The following RUFY4 variants were observed in gnomAD, a reference collection of about 807,000 sequenced individuals.
RUFY4 encodes the protein RUN and FYVE domain containing 4, also known as RUN and FYVE domain-containing protein 4.
In RUFY4, 73 loss-of-function variants were observed where a neutral mutation model predicts 69.0. The ratio of observed to expected loss-of-function variants is 1.06; its 90% CI spans 0.88 to 1.29. The LOEUF (loss-of-function observed/expected upper bound fraction) is 1.29. Among genes scored for constraint, RUFY4 ranks in the 50% most tolerant of loss-of-function variants. The pLI, the probability that RUFY4 is intolerant of heterozygous loss-of-function variation, is 0.00. For synonymous variants in RUFY4, 287 were observed against 271.8 expected (o/e 1.06, Z -0.55); for missense variants, 770 against 705.6 (o/e 1.09, Z -1.03).
At chr2:218,066,395 G>A (rs769529329), upstream of RUFY4, among the ~76,000 whole-genome samples, 2 of 151,650 alleles carry the variant, frequency 1.3e-5, no homozygotes, top group Non-Finnish European at 2.9e-5. Context: ...TGTTGGTCTC[G>A]AATTCCTGAC....
intron 2 of RUFY4, among the ~76,000 whole-genome samples, chr2:218,044,920 A>G (rs1688792409): frequency 6.6e-6 from 1 of 152,202 alleles, no homozygotes; most frequent in Non-Finnish European, 1.5e-5. Context: ...CTGTGTCTTT[A>G]TAATGGAAGG....
At chr2:218,063,063 T>A (rs1689238431) in intron 3 of RUFY4, among the ~76,000 whole-genome samples, 3 of 152,190 alleles carry the variant, frequency 2.0e-5, no homozygotes, top group Admixed American at 6.5e-5. Context: ...ACAGGAGAGA[T>A]CCCGCTCTGG....
intron 2 of RUFY4, among the ~76,000 whole-genome samples, chr2:218,054,410 C>G (rs1689013160): frequency 6.6e-6 from 1 of 151,954 alleles, no homozygotes; most frequent in Admixed American, 6.6e-5. Context: ...CAAAAATTAG[C>G]CAGTTGTGGT....
chr2:218,090,196 C>A, exon 11 of RUFY4: 1 of 457,272 alleles, frequency 2.2e-6, no homozygotes. Context: ...ACCAGCACTT[C>A]TGTGGGCAGA....
chr2:218,045,620 G>A (rs1437395981), intron 2 of RUFY4, among the ~76,000 whole-genome samples: 1 of 151,788 alleles, frequency 6.6e-6, no homozygotes, highest in African/African-American at 2.4e-5. Context: ...CTTTTGTTTT[G>A]TTTGATATTT....
At chr2:218,058,602 G>C (rs533448336) in exon 3 of RUFY4, 8 of 152,322 alleles carry the variant, frequency 5.3e-5, no homozygotes, top group East Asian at 1.9e-4. Context: ...CAGGTCAGTG[G>C]GGGGCCAGAA....
chr2:218,067,795 A>G (rs1163797591), upstream of RUFY4, among the ~76,000 whole-genome samples: 1 of 151,980 alleles, frequency 6.6e-6, no homozygotes, highest in Non-Finnish European at 1.5e-5. Flanking sequence ...ACCTCGCTCC[A>G]TCCCAGCCCC....
chr2:218,051,569 A>T lies in RUFY4; in HGVS notation c.-1157-7026A>T, dbSNP rs764162404. ...AAATGACTGGCTGTTCCAATATTTT[A>T]AAAAAAAAAAAAAAAAAAACACAGA... On this transcript the variant is annotated intron_variant and NMD_transcript_variant, in intron 2 of 13. Transcript: ENST00000457754. 0.022 allele frequency among the ~76,000 whole-genome samples: 873 copies of T among 40,528 alleles called. 8 individuals are homozygous for T. The South Asian group carries it at 0.22, about 10-fold the overall frequency. The allele number at this position is 40,528 out of a possible 152,430, so 26.6% of individuals were successfully genotyped here.
At position 218,079,727 on chromosome 2, in the gene RUFY4, G is replaced by A. The variant is rs114216210; in HGVS notation, c.1355+3194G>A. On this transcript the variant is annotated intron_variant, in intron 8 of 10. Transcript: ENST00000344321. Reference sequence around the variant, plus strand: ...CTCACTCCCGGGAAAGGAGCCCGTGGGCATCAAGCTGGTGATGAGTTCCTC... The same window carrying A: ...CTCACTCCCGGGAAAGGAGCCCGTGAGCATCAAGCTGGTGATGAGTTCCTC... Among the ~76,000 whole-genome samples, 1,249 of 152,214 alleles carry A rather than the reference G, an allele frequency of 8.2e-3. 21 individuals carry two copies. Among genetic ancestry groups the A allele is most frequent in the African/African-American group, 0.028 (1,182 of 41,520 alleles).
chr2:218,063,442 C>A (rs1203304865), intron 3 of RUFY4, among the ~76,000 whole-genome samples: 1 of 152,228 alleles, frequency 6.6e-6, no homozygotes, highest in Non-Finnish European at 1.5e-5. Flanking sequence ...TAAGATGGGG[C>A]AGCTGCTTTG....
chr2:218,074,748 T>G (rs1689582097), intron 6 of RUFY4, among the ~76,000 whole-genome samples: 1 of 151,806 alleles, frequency 6.6e-6, no homozygotes, highest in Admixed American at 6.6e-5. Context: ...AACTGAAACA[T>G]GACATGTAGT....
intron 2 of RUFY4, among the ~76,000 whole-genome samples, chr2:218,071,954 G>C (rs1026644264): frequency 9.9e-5 from 15 of 152,180 alleles, no homozygotes; most frequent in Non-Finnish European, 1.8e-4. Flanking sequence ...TTCAGCTGGG[G>C]CACAGGAAAG....
chr2:218,068,790 C>T (rs12473895), upstream of RUFY4: 37,912 of 152,358 alleles, frequency 0.25, 5,829 homozygotes, highest in East Asian at 0.35. Flanking sequence ...GGATTCGGCA[C>T]TGGTGACCAG....
At chr2:218,087,748 G>A (rs968738515) in intron 9 of RUFY4, among the ~76,000 whole-genome samples, 1 of 152,100 alleles carries the variant, frequency 6.6e-6, no homozygotes, top group Admixed American at 6.6e-5. Context: ...AGAATCACTT[G>A]AACCCAGGAG....
At chr2:218,036,706 AAG>A (rs1345067375) in intron 2 of RUFY4, among the ~76,000 whole-genome samples, 1 of 152,244 alleles carries the variant, frequency 6.6e-6, no homozygotes, top group East Asian at 1.9e-4. Context: ...AGGAGAAATT[AAG>A]AGAGGTAAGA....
chr2:218,071,269 A>G (rs1292507066), intron 2 of RUFY4, among the ~76,000 whole-genome samples: 1 of 151,982 alleles, frequency 6.6e-6, no homozygotes, highest in Non-Finnish European at 1.5e-5. Context: ...TCGCCCTCTG[A>G]GACGCTTGAT....
chr2:218,084,124 T>C (rs1360099212), intron 9 of RUFY4, among the ~76,000 whole-genome samples: 1 of 152,072 alleles, frequency 6.6e-6, no homozygotes, highest in Non-Finnish European at 1.5e-5. Flanking sequence ...TTTAGTTGAG[T>C]AGAAAGAGAG....
intron 2 of RUFY4, among the ~76,000 whole-genome samples, chr2:218,046,858 C>T (rs1688840837): frequency 6.6e-6 from 1 of 151,792 alleles, no homozygotes; most frequent in African/African-American, 2.4e-5. Flanking sequence ...TTTCAGGGAC[C>T]CTTCTGGAAA....
At chr2:218,076,161 C>T (rs1689626856) in intron 7 of RUFY4, among the ~76,000 whole-genome samples, 1 of 152,228 alleles carries the variant, frequency 6.6e-6, no homozygotes, top group Non-Finnish European at 1.5e-5. Context: ...TCAAGATTGT[C>T]ACCAAGCCTC....
Sources: allele counts gnomAD v4.1 joint callset (sites outside exome capture counted in the v4.1 genomes callset), GRCh38; gene constraint gnomAD v4.1.1; transcripts MANE v1.5; gene names NCBI Gene and HGNC (gene_info 2026-07-23, HGNC 2026-07-21).